SLC1A2: variants seen among roughly 807,000 people sequenced by gnomAD.
The protein encoded by SLC1A2 is solute carrier family 1 member 2.
In SLC1A2, 15 loss-of-function variants were observed where a neutral mutation model predicts 48.8. The ratio of observed to expected loss-of-function variants is 0.31; its 90% CI spans 0.21 to 0.47. The LOEUF (loss-of-function observed/expected upper bound fraction) is 0.47. SLC1A2 is among the 20% of genes least tolerant of loss of function. The pLI, the probability that SLC1A2 is intolerant of heterozygous loss-of-function variation, is 0.99. For synonymous variants in SLC1A2, 279 were observed against 272.6 expected, an observed-to-expected ratio of 1.02 and a Z score of -0.23; for missense variants, 502 against 730.5, an observed-to-expected ratio of 0.69 and a Z score of 3.61.
chr11:35,383,767 A>T (rs1854504777), intron 1 of SLC1A2, among the ~76,000 whole-genome samples: 1 of 152,222 alleles, frequency 6.6e-6, no homozygotes, highest in Non-Finnish European at 1.5e-5. Flanking sequence ...CTGTATTCCC[A>T]GCACCTCTCC....
At chr11:35,362,732 A>G (rs1853723557) in intron 1 of SLC1A2, among the ~76,000 whole-genome samples, 4 of 152,180 alleles carry the variant, frequency 2.6e-5, no homozygotes, top group Admixed American at 2.6e-4. Flanking sequence ...ATGGCCTTTG[A>G]GCAACTTTGC....
At chr11:35,332,007 G>A (rs1367575003) in intron 1 of SLC1A2, among the ~76,000 whole-genome samples, 1 of 152,142 alleles carries the variant, frequency 6.6e-6, no homozygotes, top group Non-Finnish European at 1.5e-5. Flanking sequence ...ACTGGGAGGT[G>A]CCTCTGACAG....
intron 1 of SLC1A2, among the ~76,000 whole-genome samples, chr11:35,411,922 A>T (rs1258042973): frequency 6.6e-6 from 1 of 152,042 alleles, no homozygotes; most frequent in Non-Finnish European, 1.5e-5. Flanking sequence ...TTCTTAAGGC[A>T]TTGCCTCTTA....
Position 35,353,926 on chromosome 11 carries a change from A to G in SLC1A2, c.18-36410T>C, listed in dbSNP as rs117775986. ...AGGACTTAGTGCAATATTAATATAC[A>G]TTTAAACTTTAAGGAGGGAGGATTT... On this transcript the variant is annotated intron_variant, in intron 1 of 10. Transcript: ENST00000278379. Among the ~76,000 whole-genome samples, 547 of 152,328 alleles carry G rather than the reference A, an allele frequency of 3.6e-3. 5 individuals carry two copies. Among genetic ancestry groups the G allele is most frequent in the Non-Finnish European group, 5.8e-3 (394 of 68,018 alleles).
intron 4 of SLC1A2, among the ~76,000 whole-genome samples, chr11:35,306,522 T>C (rs1420155906): frequency 6.6e-6 from 1 of 152,246 alleles, no homozygotes; most frequent in South Asian, 2.1e-4. Context: ...TTTTAATGTA[T>C]ACAATGTGTG....
intron 1 of SLC1A2, among the ~76,000 whole-genome samples, chr11:35,344,332 G>A (rs1852951194): frequency 6.6e-6 from 1 of 152,190 alleles, no homozygotes; most frequent in Admixed American, 6.5e-5. Flanking sequence ...TTTAACCAGT[G>A]ACTTGAAGAA....
rs762016049 is a variant in SLC1A2 at position 35,292,283 on chromosome 11, C to G, written c.1091+4G>C. On this transcript the variant is annotated splice_donor_region_variant and intron_variant, in intron 7 of 10. Coordinates refer to ENST00000278379, the MANE Select transcript of SLC1A2 (RefSeq NM_004171.4). ...AGAGAAAGGTGATTTCTTTTGTTCT[C>G]TACCTGGAAGCGGTGCCCAGGGCAG... 1 of 1,603,560 alleles carries G rather than the reference C, an allele frequency of 6.2e-7. No individual in the cohort carries two copies. Among genetic ancestry groups the G allele is most frequent in the East Asian group, 2.2e-5 (1 of 44,826 alleles).
intron 8 of SLC1A2, among the ~76,000 whole-genome samples, chr11:35,284,699 C>T (rs1291756921): frequency 6.6e-6 from 1 of 152,138 alleles, no homozygotes; most frequent in South Asian, 2.1e-4. Context: ...TGTGTTTTAA[C>T]AAAAATGTCC....
chr11:35,263,146 G>C (rs956569950), intron 10 of SLC1A2, among the ~76,000 whole-genome samples: 1 of 152,170 alleles, frequency 6.6e-6, no homozygotes, highest in African/African-American at 2.4e-5. Flanking sequence ...TTTCCTTATA[G>C]GGCTTGAAAT....
intron 6 of SLC1A2, 116 bp downstream of exon 6, chr11:35,301,403 G>A: frequency 2.3e-6 from 2 of 867,714 alleles, no homozygotes; most frequent in Non-Finnish European, 3.6e-6. Context: ...AGTCTTTCTG[G>A]AAAGACATTT....
chr11:35,274,827 C>T (rs939055791), intron 9 of SLC1A2, among the ~76,000 whole-genome samples: 1 of 152,208 alleles, frequency 6.6e-6, no homozygotes, highest in Non-Finnish European at 1.5e-5. Context: ...AGAACAATAT[C>T]TAACACTTAA....
chr11:35,395,294 A>G (rs1358103620), intron 1 of SLC1A2, among the ~76,000 whole-genome samples: 3 of 151,708 alleles, frequency 2.0e-5, no homozygotes, highest in Non-Finnish European at 4.4e-5. Context: ...TTCTGAGAAT[A>G]GCTATTTTTA....
At chr11:35,333,005 T>C (rs893210251) in intron 1 of SLC1A2, among the ~76,000 whole-genome samples, 5 of 152,200 alleles carry the variant, frequency 3.3e-5, no homozygotes, top group Non-Finnish European at 7.3e-5. Context: ...AACTGCCAAC[T>C]GTTCCTCAGG....
At chr11:35,302,756 T>C (rs1042467981) in intron 5 of SLC1A2, among the ~76,000 whole-genome samples, 3 of 151,700 alleles carry the variant, frequency 2.0e-5, no homozygotes, top group Non-Finnish European at 4.4e-5. Flanking sequence ...GCCTGCAGTC[T>C]CACTCCAACG....
chr11:35,292,426 C>A lies in SLC1A2; in HGVS notation c.952G>T (p.Val318Leu). 6.2e-7 allele frequency: 1 copy of A among 1,613,804 alleles called. No individual in the cohort carries two copies. Among genetic ancestry groups the A allele is most frequent in the East Asian group, 2.2e-5 (1 of 44,878 alleles). Residue 318 changes from valine (V) to leucine (L), a missense_variant, in exon 7 of 11, where the codon GTA becomes TTA. This residue lies in a region of SLC1A2 where 309 missense variants were observed against 480.3 expected (regional missense o/e 0.64). Transcript: ENST00000278379. ...ATGATGAGGCCTATGATCACTGTTA[C>A]CATGTACATCCCCAGTTGCCTAGCA... ...VVARQLGMYM[V>L]TVIIGLIIHG...
At chr11:35,290,032 C>T (rs941942232) in intron 7 of SLC1A2, among the ~76,000 whole-genome samples, 1 of 152,134 alleles carries the variant, frequency 6.6e-6, no homozygotes, top group Non-Finnish European at 1.5e-5. Context: ...TTACTTTTCA[C>T]CCAATAGGAC....
chr11:35,255,202 A>G lies in SLC1A2; in HGVS notation c.*5692T>C. 1 of 199,498 alleles carries G rather than the reference A, an allele frequency of 5.0e-6. No individual in the cohort carries two copies. The highest frequency in any genetic ancestry group is 1.0e-5 in the Non-Finnish European group (1 of 96,508). The allele number at this position is 199,498 out of a possible 1,614,324, so 12.4% of individuals were successfully genotyped here. A position where few individuals can be genotyped will look rare whatever the true frequency, so the allele number is the denominator to read the frequency against. On this transcript the variant is annotated 3_prime_UTR_variant, in exon 11 of 11. Transcript: ENST00000278379. Reference sequence around the variant, plus strand: ...CTCTATTTAGCAGAAGTTTGGACAAACAGCAGAGGTGTCCACCATGGGCCA... The same window carrying G: ...CTCTATTTAGCAGAAGTTTGGACAAGCAGCAGAGGTGTCCACCATGGGCCA...
chr11:35,257,650 A>G lies in SLC1A2; in HGVS notation c.*3244T>C, dbSNP rs1214728227. 1 of 152,208 alleles carries G rather than the reference A, an allele frequency of 6.6e-6. No individual in the cohort carries two copies. Among genetic ancestry groups the G allele is most frequent in the Admixed American group, 6.5e-5 (1 of 15,280 alleles). The allele number at this position is 152,208 out of a possible 1,614,324, so 9.4% of individuals were successfully genotyped here. A position where few individuals can be genotyped will look rare whatever the true frequency, so the allele number is the denominator to read the frequency against. On this transcript the variant is annotated 3_prime_UTR_variant, in exon 11 of 11. Coordinates refer to ENST00000278379, the MANE Select transcript of SLC1A2 (RefSeq NM_004171.4). Reference sequence around the variant, plus strand: ...CTTCTCACTGATTGGATTGGATTTGATTCATTGAATTTGAGTAAGTAATTA... The same window carrying G: ...CTTCTCACTGATTGGATTGGATTTGGTTCATTGAATTTGAGTAAGTAATTA...
intron 1 of SLC1A2, among the ~76,000 whole-genome samples, chr11:35,406,316 A>G (rs1352658168): frequency 1.3e-5 from 2 of 152,230 alleles, no homozygotes; most frequent in Non-Finnish European, 2.9e-5. Flanking sequence ...CAAAGTGCTT[A>G]CTTTGTAGAT....
Sources: gnomAD v4.1 joint callset for allele counts (sites outside exome capture counted in the v4.1 genomes callset) on GRCh38, gnomAD v4.1.1 for gene constraint, gnomAD v4.1.1 regional missense constraint, MANE v1.5 for transcripts, NCBI Gene and HGNC (gene_info 2026-07-23, HGNC 2026-07-21) for gene names.